Variants in ADAMTS18 observed in about 807,000 individuals in gnomAD.
The protein encoded by ADAMTS18 is ADAM metallopeptidase with thrombospondin type 1 motif 18.
ADAMTS18 carries 157 observed loss-of-function variants against 165.9 expected under a neutral mutation model. The observed-to-expected ratio is 0.95, with a 90% CI of 0.83 to 1.08. The LOEUF is 1.08. Among genes scored for constraint, ADAMTS18 ranks in the 50% least tolerant of loss-of-function variants. The pLI is 0.00. For synonymous variants in ADAMTS18, 782 were observed against 578.2 expected (o/e 1.35, Z -5.06); for missense variants, 2,040 against 1,534.0 (o/e 1.33, Z -5.51).
chr16:77,365,773 G>T (rs368636970), intron 4 of ADAMTS18, among the ~76,000 whole-genome samples: 1 of 152,208 alleles, frequency 6.6e-6, no homozygotes, highest in African/African-American at 2.4e-5. Flanking sequence ...TGGTCCAGCC[G>T]TAATAGTGAA....
chr16:77,379,714 T>C (rs566512615), intron 3 of ADAMTS18, among the ~76,000 whole-genome samples: 125 of 152,044 alleles, frequency 8.2e-4, no homozygotes, highest in Non-Finnish European at 1.5e-3. Context: ...TGATCTCAAA[T>C]TCCTGACCTC....
chr16:77,362,321 A>C, intron 6 of ADAMTS18, 57 bp from the exon 7 acceptor site: 1 of 1,585,340 alleles, frequency 6.3e-7, no homozygotes, highest in Admixed American at 1.7e-5. Flanking sequence ...GAGAATGCTG[A>C]ATCATTCCAT....
At chr16:77,400,424 T>TTTTGTGTGTG (rs1555525298) in intron 3 of ADAMTS18, among the ~76,000 whole-genome samples, 2 of 136,050 alleles carry the variant, frequency 1.5e-5, no homozygotes, top group African/African-American at 5.8e-5. Flanking sequence ...TCAGGGGGAA[T>TTTTGTGTGTG]TGTGTGTGTG....
chr16:77,317,108 T>G (rs920053002), intron 16 of ADAMTS18, among the ~76,000 whole-genome samples: 5 of 151,726 alleles, frequency 3.3e-5, no homozygotes, highest in Admixed American at 1.3e-4. Flanking sequence ...AAAAAGTCTG[T>G]TTTTTTATCT....
intron 18 of ADAMTS18, 64 bp downstream of exon 18, chr16:77,297,224 CT>C (rs1184591033): frequency 1.9e-6 from 3 of 1,594,460 alleles, no homozygotes; most frequent in Non-Finnish European, 2.6e-6. Context: ...CTTTCATCAT[CT>C]CATAACAACA....
At chr16:77,290,475 A>G (rs1348032483) in intron 21 of ADAMTS18, 1 of 152,338 alleles carries the variant, frequency 6.6e-6, no homozygotes, top group African/African-American at 2.4e-5. Context: ...ACCTAGCACA[A>G]TGCCTGGCCA....
intron 10 of ADAMTS18, among the ~76,000 whole-genome samples, chr16:77,349,088 C>T (rs916142951): frequency 2.0e-5 from 3 of 152,122 alleles, no homozygotes; most frequent in African/African-American, 7.2e-5. Context: ...ATAATAGTAT[C>T]AAATAGTATG....
chr16:77,405,606 G>A (rs906669237), intron 3 of ADAMTS18, among the ~76,000 whole-genome samples: 2 of 152,276 alleles, frequency 1.3e-5, no homozygotes, highest in African/African-American at 4.8e-5. Flanking sequence ...TGTATTGTCT[G>A]CCAGGACTTT....
chr16:77,342,976 A>C (rs1567499020), intron 10 of ADAMTS18, among the ~76,000 whole-genome samples: 1 of 152,112 alleles, frequency 6.6e-6, no homozygotes, highest in Non-Finnish European at 1.5e-5. Flanking sequence ...TGAGCCAAGG[A>C]ATGCAGGCAG....
At chr16:77,285,879 C>T (rs1035191402) in intron 22 of ADAMTS18, among the ~76,000 whole-genome samples, 1 of 152,216 alleles carries the variant, frequency 6.6e-6, no homozygotes, top group Non-Finnish European at 1.5e-5. Context: ...CCTCCAACCG[C>T]TTCCTGGCAG....
At chr16:77,431,175 A>G (rs2057734455) in intron 3 of ADAMTS18, 120 bp downstream of exon 3, 1 of 1,054,976 alleles carries the variant, frequency 9.5e-7, no homozygotes, top group Admixed American at 2.0e-5. Context: ...TAGAAGTATC[A>G]AGGCTGACAG....
At chr16:77,405,239 C>G (rs1322212386) in intron 3 of ADAMTS18, among the ~76,000 whole-genome samples, 1 of 152,172 alleles carries the variant, frequency 6.6e-6, no homozygotes, top group Non-Finnish European at 1.5e-5. Flanking sequence ...TCATGGTCAA[C>G]TGCATTCAAA....
intron 3 of ADAMTS18, among the ~76,000 whole-genome samples, chr16:77,417,312 G>A (rs2144840800): frequency 6.6e-6 from 1 of 152,168 alleles, no homozygotes; most frequent in South Asian, 2.1e-4. Flanking sequence ...GTGGATGGAT[G>A]GGAGAATGGA....
intron 10 of ADAMTS18, among the ~76,000 whole-genome samples, chr16:77,344,938 C>T (rs117777808): frequency 6.6e-6 from 1 of 152,138 alleles, no homozygotes; most frequent in East Asian, 1.9e-4. Context: ...CTTGTACCTC[C>T]CCCCTCTTTT....
Position 77,427,495 on chromosome 16 carries a change from C to A in ADAMTS18, c.495+3800G>T, listed in dbSNP as rs143251327. ...GGGAGGCTGGATATAGTAGAAAGGA[C>A]AGACATGGCAGATCACCATTAGATT... On this transcript the variant is annotated intron_variant, in intron 3 of 22. Coordinates refer to ENST00000282849, the MANE Select transcript of ADAMTS18 (RefSeq NM_199355.4). 2.7e-3 allele frequency among the ~76,000 whole-genome samples: 416 copies of A among 152,286 alleles called. 4 individuals carry two copies. The highest frequency in any genetic ancestry group is 9.7e-3 in the African/African-American group (404 of 41,534).
At chr16:77,431,701 C>T (rs532945734) in intron 2 of ADAMTS18, 90 bp from the exon 3 acceptor site, 52 of 1,330,526 alleles carry the variant, frequency 3.9e-5, no homozygotes, top group Non-Finnish European at 5.6e-5. Context: ...CAACACAAAG[C>T]TCAAAGATAT....
chr16:77,296,125 T>C (rs552050958), intron 18 of ADAMTS18, among the ~76,000 whole-genome samples: 29 of 152,182 alleles, frequency 1.9e-4, no homozygotes, highest in African/African-American at 6.0e-4. Context: ...ATCTAAAACA[T>C]TGGTGAATGC....
intron 3 of ADAMTS18, among the ~76,000 whole-genome samples, chr16:77,406,286 A>G (rs902627753): frequency 1.3e-5 from 2 of 152,182 alleles, no homozygotes; most frequent in African/African-American, 4.8e-5. Flanking sequence ...TGAAAATATA[A>G]TGTATAGGTA....
intron 22 of ADAMTS18, among the ~76,000 whole-genome samples, chr16:77,289,031 G>C (rs995182361): frequency 1.8e-4 from 27 of 152,182 alleles, no homozygotes; most frequent in Non-Finnish European, 7.3e-5. Flanking sequence ...GTTACAGTGA[G>C]CTGTGTACTC....
Sources: allele counts gnomAD v4.1 joint callset (sites outside exome capture counted in the v4.1 genomes callset), GRCh38; gene constraint gnomAD v4.1.1; transcripts MANE v1.5; gene names NCBI Gene and HGNC (gene_info 2026-07-23, HGNC 2026-07-21).